MYLK: variants seen among roughly 807,000 people sequenced by gnomAD.
MYLK encodes the protein myosin light chain kinase, also known as myosin light chain kinase, smooth muscle.
In MYLK, 106 loss-of-function variants were observed where a neutral mutation model predicts 203.4. The ratio of observed to expected loss-of-function variants is 0.52; its 90% CI spans 0.45 to 0.61. MYLK has a LOEUF of 0.61. Ranked by LOEUF, MYLK falls within the 20% of genes least tolerant of loss-of-function variation. The probability of loss-of-function intolerance (pLI) is 0.00; values close to 1 mark genes in which losing one functional copy is unlikely to be tolerated. For missense variants in MYLK, 2,072 were observed against 2,442.3 expected (o/e 0.85, Z 3.20); for synonymous variants, 867 against 959.5 (o/e 0.90, Z 1.78).
intron 20 of MYLK, among the ~76,000 whole-genome samples, chr3:123,674,823 C>T (rs1006804077): frequency 1.6e-4 from 25 of 152,246 alleles, no homozygotes; most frequent in Non-Finnish European, 3.4e-4. Flanking sequence ...AGCTCATGCA[C>T]CACTAATGCC....
At chr3:123,712,753 C>T (rs1208310109) in intron 13 of MYLK, among the ~76,000 whole-genome samples, 1 of 152,250 alleles carries the variant, frequency 6.6e-6, no homozygotes, top group African/African-American at 2.4e-5. Context: ...CCCACTTCCT[C>T]ATCGGTCTCT....
chr3:123,644,992 GC>G (rs2058964946), intron 27 of MYLK, among the ~76,000 whole-genome samples: 1 of 152,184 alleles, frequency 6.6e-6, no homozygotes, highest in Non-Finnish European at 1.5e-5. Context: ...AGAAACTGAA[GC>G]CAGGCTTCCT....
chr3:123,699,756 TG>T (rs1307515983), intron 18 of MYLK, among the ~76,000 whole-genome samples: 1 of 152,206 alleles, frequency 6.6e-6, no homozygotes, highest in Non-Finnish European at 1.5e-5. Flanking sequence ...TGCCGAGATG[TG>T]GGCATGTGCC....
intron 27 of MYLK, 112 bp downstream of exon 27, chr3:123,647,112 C>T: frequency 3.1e-6 from 3 of 958,818 alleles, no homozygotes; most frequent in Non-Finnish European, 3.3e-6. Flanking sequence ...ATATCACACT[C>T]CTGTCTGCAG....
intron 29 of MYLK, 121 bp downstream of exon 29, chr3:123,637,943 TGACTCTG>T: frequency 7.0e-7 from 1 of 1,429,470 alleles, no homozygotes; most frequent in South Asian, 1.2e-5. Context: ...GCCACCCTCC[TGACTCTG>T]GGGGGGGCTC....
intron 13 of MYLK, among the ~76,000 whole-genome samples, chr3:123,718,914 G>T (rs536319589): frequency 6.6e-6 from 1 of 152,140 alleles, no homozygotes; most frequent in South Asian, 2.1e-4. Flanking sequence ...ATATAGGCGC[G>T]CAGTAAAGAC....
intron 12 of MYLK, among the ~76,000 whole-genome samples, chr3:123,724,441 T>A (rs1041222487): frequency 6.6e-6 from 1 of 152,146 alleles, no homozygotes; most frequent in African/African-American, 2.4e-5. Flanking sequence ...CCATATTGCA[T>A]TCCAGCCACA....
chr3:123,857,138 C>T (rs1300649864), intron 2 of MYLK, among the ~76,000 whole-genome samples: 1 of 151,702 alleles, frequency 6.6e-6, no homozygotes, highest in Non-Finnish European at 1.5e-5. Context: ...ATTAAAAAGT[C>T]AGGAAACAAC....
intron 4 of MYLK, 116 bp downstream of exon 4, chr3:123,793,561 C>G: frequency 3.3e-6 from 4 of 1,209,896 alleles, no homozygotes; most frequent in African/African-American, 1.5e-5. Context: ...ACATGAAGGT[C>G]CAAAAGAAAA....
intron 4 of MYLK, among the ~76,000 whole-genome samples, chr3:123,761,402 G>A (rs1369817165): frequency 6.6e-6 from 1 of 152,178 alleles, no homozygotes; most frequent in Non-Finnish European, 1.5e-5. Flanking sequence ...CACAAAGCAT[G>A]CATTCTGCTC....
At chr3:123,647,748 C>T (rs1208264528) in intron 26 of MYLK, among the ~76,000 whole-genome samples, 2 of 151,510 alleles carry the variant, frequency 1.3e-5, no homozygotes, top group Non-Finnish European at 2.9e-5. Context: ...GATGGGGTCT[C>T]GCTATGTTGC....
intron 4 of MYLK, among the ~76,000 whole-genome samples, chr3:123,783,542 TG>T (rs760369984): frequency 3.0e-4 from 45 of 152,320 alleles, no homozygotes; most frequent in Admixed American, 1.2e-3. Flanking sequence ...AAATAGAATC[TG>T]GACATTGAAC....
At chr3:123,618,498 G>T in intron 33 of MYLK, 141 bp downstream of exon 33, 1 of 1,154,624 alleles carries the variant, frequency 8.7e-7, no homozygotes, top group Non-Finnish European at 1.3e-6. Flanking sequence ...AGCTCCTGCT[G>T]ACCCAGTTTC....
intron 4 of MYLK, among the ~76,000 whole-genome samples, chr3:123,768,988 C>T (rs974740131): frequency 6.6e-6 from 1 of 152,172 alleles, no homozygotes; most frequent in African/African-American, 2.4e-5. Flanking sequence ...GCCCTGCTTC[C>T]TCCTTGCAGC....
chr3:123,638,893 G>A (rs1488224500), intron 28 of MYLK: 1 of 985,304 alleles, frequency 1.0e-6, no homozygotes, highest in Non-Finnish European at 1.2e-6. Flanking sequence ...AGGTACCTGT[G>A]GGCTATGCCT....
chr3:123,658,856 T>TC (rs2059474280), intron 23 of MYLK, among the ~76,000 whole-genome samples: 1 of 152,160 alleles, frequency 6.6e-6, no homozygotes, highest in Non-Finnish European at 1.5e-5. Context: ...TTCATTCTTG[T>TC]CCCCTCTCCC....
In MYLK at chr3:123,870,430, C is replaced by T. The variant is rs112617486; in HGVS notation, c.-127+6129G>A. 3.4e-3 allele frequency among the ~76,000 whole-genome samples: 519 copies of T among 152,302 alleles called. 1 individual carries two copies. Among genetic ancestry groups the T allele is most frequent in the African/African-American group, 0.012 (498 of 41,560 alleles). On this transcript the variant is annotated intron_variant, in intron 2 of 33. Coordinates refer to ENST00000360304, the MANE Select transcript of MYLK (RefSeq NM_053025.4). ...CACCCAGCCACAAAGGTTCACTAGC[C>T]ATCTACCATATACCTGACAGGAGAT... is the stretch of plus-strand genomic sequence containing the variant.
In MYLK at chr3:123,806,944, C is replaced by T. The variant is rs189508888; in HGVS notation, c.-3-13100G>A. On this transcript the variant is annotated intron_variant, in intron 3 of 33. Transcript: ENST00000360304. ...CCTCCCAAAGTGCTGGGATTACAGG[C>T]GTGAACCACCGTGCCTGGCCAACAT... Among the ~76,000 whole-genome samples, 93 of 151,804 alleles carry T rather than the reference C, an allele frequency of 6.1e-4. 2 individuals are homozygous for T. The South Asian group carries it at 0.011, about 19-fold the overall frequency.
chr3:123,685,542 G>A (rs892174673), intron 19 of MYLK, among the ~76,000 whole-genome samples: 8 of 149,116 alleles, frequency 5.4e-5, no homozygotes, highest in African/African-American at 1.7e-4. Context: ...TGCAATGATC[G>A]TGCCGCTGCA....
Sources: allele counts gnomAD v4.1 joint callset (sites outside exome capture counted in the v4.1 genomes callset), GRCh38; gene constraint gnomAD v4.1.1; transcripts MANE v1.5; gene names NCBI Gene and HGNC (gene_info 2026-07-23, HGNC 2026-07-21).